ODF2: variants seen among roughly 807,000 people sequenced by gnomAD.
The protein encoded by ODF2 is outer dense fiber of sperm tails 2, also known as outer dense fiber protein 2.
In ODF2, 47 loss-of-function variants were observed where a neutral mutation model predicts 110.2. That is an observed-to-expected ratio of 0.43 (90% CI 0.34 to 0.54). The LOEUF (loss-of-function observed/expected upper bound fraction) is 0.54. ODF2 is among the 20% of genes least tolerant of loss of function. The pLI, the probability that ODF2 is intolerant of heterozygous loss-of-function variation, is 0.03. For synonymous variants in ODF2, 352 were observed against 397.7 expected, an observed-to-expected ratio of 0.89 and a Z score of 1.37; for missense variants, 812 against 1,054.5, an observed-to-expected ratio of 0.77 and a Z score of 3.19.
Position 128,494,206 on chromosome 9 carries a change from T to C in ODF2, c.1753-304T>C. 6.6e-6 allele frequency among the ~76,000 whole-genome samples: 1 copy of C among 152,362 alleles called. No individual in the cohort carries two copies. The highest frequency in any genetic ancestry group is 1.9e-4 in the East Asian group (1 of 5,196). Reference sequence around the variant, plus strand: ...ATACTTGTATGGGGACAGCATCACCTATTTTACAGGTTGTCTGAATTAAAT... The same window carrying C: ...ATACTTGTATGGGGACAGCATCACCCATTTTACAGGTTGTCTGAATTAAAT... On this transcript the variant is annotated intron_variant, in intron 16 of 20. Coordinates refer to ENST00000604420, the Ensembl canonical transcript of ODF2. This position sits in a 1 kb window ranked among gnomAD's most constrained non-coding sequence, Gnocchi z 4.6.
intron 14 of ODF2, among the ~76,000 whole-genome samples, chr9:128,488,964 G>A (rs574330323): frequency 5.9e-5 from 9 of 152,010 alleles, no homozygotes; most frequent in Admixed American, 1.3e-4. Flanking sequence ...CCGAGATTGC[G>A]CCACTGCACT....
At chr9:128,460,177 G>A in intron 3 of ODF2, 1 of 1,300,520 alleles carries the variant, frequency 7.7e-7, no homozygotes, top group Non-Finnish European at 1.0e-6. Flanking sequence ...CTGTGTAGAA[G>A]GATCCGCCTG....
chr9:128,479,170 C>A (rs1259581923), intron 8 of ODF2, among the ~76,000 whole-genome samples: 2 of 152,042 alleles, frequency 1.3e-5, no homozygotes, highest in Non-Finnish European at 2.9e-5. Flanking sequence ...TCCTAGGTGC[C>A]CAGGAAACTT....
chr9:128,466,994 A>G (rs1838133527), intron 4 of ODF2, among the ~76,000 whole-genome samples: 1 of 53,638 alleles, frequency 1.9e-5, no homozygotes, highest in African/African-American at 9.1e-5. Flanking sequence ...AAAAAAAAAA[A>G]AAAAAAAAAA....
intron 6 of ODF2, among the ~76,000 whole-genome samples, chr9:128,471,897 A>T (rs1840078232): frequency 6.6e-6 from 1 of 152,164 alleles, no homozygotes; most frequent in Non-Finnish European, 1.5e-5. Context: ...AGGGGGCCAC[A>T]TAGGTTGGCA....
intron 20 of ODF2, among the ~76,000 whole-genome samples, chr9:128,499,507 C>T (rs1222168520): frequency 2.6e-5 from 4 of 152,286 alleles, no homozygotes; most frequent in Non-Finnish European, 5.9e-5. Flanking sequence ...GTTGGCCAGG[C>T]TGGTCTTCAA....
exon 1 of ODF2, chr9:128,456,158 A>C (rs764690288): frequency 1.3e-6 from 2 of 1,549,200 alleles, no homozygotes; most frequent in Non-Finnish European, 1.7e-6. Context: ...TGCCAGAGCC[A>C]GACTGCATCC....
chr9:128,456,962 C>A, intron 1 of ODF2: 1 of 1,240,318 alleles, frequency 8.1e-7, no homozygotes, highest in Admixed American at 3.5e-5. Context: ...CCCAGCATCC[C>A]CGCGGCTCCC....
intron 13 of ODF2, among the ~76,000 whole-genome samples, chr9:128,487,290 T>C (rs1388782926): frequency 6.6e-6 from 1 of 152,082 alleles, no homozygotes; most frequent in African/African-American, 2.4e-5. Flanking sequence ...GAATTGTAGA[T>C]GGTTTCTTGG....
At chr9:128,481,557 T>G in intron 8 of ODF2, 23 bp from the exon 9 acceptor site, 1 of 1,601,432 alleles carries the variant, frequency 6.2e-7, no homozygotes, top group African/African-American at 1.3e-5. Context: ...TGACTTGACT[T>G]TTTCCTTTGC....
chr9:128,494,915 C>A lies in ODF2; in HGVS notation c.1911+247C>A. On this transcript the variant is annotated intron_variant, in intron 17 of 20. Coordinates refer to ENST00000604420, the Ensembl canonical transcript of ODF2. This position sits in a 1 kb window ranked among gnomAD's most constrained non-coding sequence, Gnocchi z 4.6. ...AGTCACTGGGCCCTCCTGCTGTTGC[C>A]CCCACCCAAGACTGCTGCCTCTGCC... 1.5e-6 allele frequency: 2 copies of A among 1,303,108 alleles called. No homozygotes were observed. The highest frequency in any genetic ancestry group is 2.0e-6 in the Non-Finnish European group (2 of 976,830). The allele number at this position is 1,303,108 out of a possible 1,614,324, so 80.7% of individuals were successfully genotyped here.
At position 128,487,878 on chromosome 9, in the gene ODF2, G is replaced by A. The variant is rs769018744; in HGVS notation, c.1401-12G>A. On this transcript the variant is annotated splice_polypyrimidine_tract_variant and intron_variant, in intron 13 of 20. Transcript: ENST00000604420. ...GATTCTCTCTGTCTGCTTTCACTTT[G>A]TGATCTTCCAGCCGGGTAACAGATC... 6.2e-7 allele frequency: 1 copy of A among 1,613,328 alleles called. No homozygotes were observed. Among genetic ancestry groups the A allele is most frequent in the Middle Eastern group, 1.6e-4 (1 of 6,084 alleles).
intron 3 of ODF2, among the ~76,000 whole-genome samples, 187 bp downstream of exon 2, chr9:128,459,844 G>A (rs918695154): frequency 3.9e-5 from 6 of 151,982 alleles, no homozygotes; most frequent in Non-Finnish European, 5.9e-5. Flanking sequence ...TGAGGCTGCC[G>A]GGTGTGAGGA....
In ODF2 at chr9:128,485,491, G is replaced by A. The variant is rs1333051539; in HGVS notation, c.1400+17G>A. 7.2e-7 allele frequency: 1 copy of A among 1,398,464 alleles called. No individual in the cohort carries two copies. Among genetic ancestry groups the A allele is most frequent in the East Asian group, 2.3e-5 (1 of 43,766 alleles). 86.6% of individuals were successfully genotyped at this position (1,398,464 alleles called of 1,614,324 possible). On this transcript the variant is annotated intron_variant, in intron 13 of 20. Coordinates refer to ENST00000604420, the Ensembl canonical transcript of ODF2. The surrounding 1 kb of genome is among the most constrained non-coding windows in gnomAD (Gnocchi z 5.0). ...CCTGAATGAGTACGTCTTAGAGTAG[G>A]AGAGGGAATGTGGCGCTGTTGAGGG...
At chr9:128,488,095 C>T (rs1376518485) in intron 14 of ODF2, 70 bp downstream of exon 14, 44 of 1,574,660 alleles carry the variant, frequency 2.8e-5, no homozygotes, top group African/African-American at 4.1e-5. Context: ...TCTTGTCTTA[C>T]GTGGGCCTGG....
At chr9:128,481,831 CTAGT>C (rs60115284) in intron 9 of ODF2, among the ~76,000 whole-genome samples, 180 bp downstream of exon 9, 4,387 of 152,226 alleles carry the variant, frequency 0.029, 185 homozygotes, top group East Asian at 0.15. Context: ...ATAGGCTTGT[CTAGT>C]TAGTTACTTG....
chr9:128,491,780 C>T (rs371472355), intron 14 of ODF2, among the ~76,000 whole-genome samples: 6 of 151,526 alleles, frequency 4.0e-5, no homozygotes, highest in African/African-American at 7.3e-5. Flanking sequence ...TTGACAGAAA[C>T]GAAAAAGTTA....
chr9:128,497,268 C>T (rs377597225), intron 18 of ODF2, among the ~76,000 whole-genome samples: 1 of 150,248 alleles, frequency 6.7e-6, no homozygotes, highest in Non-Finnish European at 1.5e-5. Context: ...CTGTCTTCCT[C>T]GAGAGCTTCT....
intron 6 of ODF2, 94 bp downstream of exon 6, chr9:128,471,562 G>A: frequency 8.1e-7 from 1 of 1,232,400 alleles, no homozygotes. Context: ...GTAGGAGGTG[G>A]GCACAGGCAC....
Sources: gnomAD v4.1 joint callset for allele counts (sites outside exome capture counted in the v4.1 genomes callset) on GRCh38, gnomAD v4.1.1 for gene constraint, Gnocchi (gnomAD v3.1) non-coding constraint, MANE v1.5 for transcripts, NCBI Gene and HGNC (gene_info 2026-07-23, HGNC 2026-07-21) for gene names.